CCDC3: variants seen among roughly 807,000 people sequenced by gnomAD.
The protein encoded by CCDC3 is coiled-coil domain-containing protein 3.
A neutral mutation model predicts 21.4 loss-of-function variants in CCDC3; 24 were observed. The ratio of observed to expected loss-of-function variants is 1.12; its 90% CI spans 0.81 to 1.58. The LOEUF is 1.58. Ranked by LOEUF, CCDC3 falls within the 40% of genes most tolerant of loss-of-function variation. The pLI is 0.00. For synonymous variants in CCDC3, 186 were observed against 166.0 expected, an observed-to-expected ratio of 1.12 and a Z score of -0.93; for missense variants, 425 against 360.9, an observed-to-expected ratio of 1.18 and a Z score of -1.44.
intron 2 of CCDC3, among the ~76,000 whole-genome samples, chr10:12,931,587 G>A (rs778494086): frequency 3.3e-5 from 5 of 152,228 alleles, no homozygotes; most frequent in African/African-American, 9.6e-5. Flanking sequence ...GGCAGAGGCC[G>A]TGGCTACCCT....
chr10:13,051,825 C>G (rs1836611646), intron 4 of CCDC3, among the ~76,000 whole-genome samples: 2 of 152,008 alleles, frequency 1.3e-5, no homozygotes, highest in South Asian at 4.2e-4. Flanking sequence ...ATAAAGGCAA[C>G]AGATTGGGGG....
chr10:13,090,303 T>C lies in CCDC3; in HGVS notation c.-503+8222A>G, dbSNP rs368030947. Among the ~76,000 whole-genome samples the C allele has an allele frequency of 4.6e-5, 7 of 152,082 alleles. No individual in the cohort carries two copies. The South Asian group carries it at 1.0e-3, about 23-fold the overall frequency. On this transcript the variant is annotated intron_variant, in intron 3 of 6. Transcript: ENST00000378839. ...ACAAGGTTTCACCATGTTGGCCAGA[T>C]TGTCTTGATCTCCTGACCTCGTTAT...
intron 5 of CCDC3, among the ~76,000 whole-genome samples, chr10:13,048,382 CG>C (rs915729625): frequency 2.6e-5 from 4 of 151,952 alleles, no homozygotes; most frequent in Admixed American, 6.6e-5. Flanking sequence ...TTACTAGAGA[CG>C]GGGTTTCACC....
intron 4 of CCDC3, among the ~76,000 whole-genome samples, chr10:13,063,201 G>C (rs1005620154): frequency 3.3e-5 from 5 of 152,050 alleles, no homozygotes; most frequent in Non-Finnish European, 7.4e-5. Flanking sequence ...AGCCGGCTCT[G>C]TGTGAATTAC....
intron 5 of CCDC3, among the ~76,000 whole-genome samples, chr10:13,009,581 A>G (rs984674746): frequency 6.6e-6 from 1 of 152,254 alleles, no homozygotes; most frequent in African/African-American, 2.4e-5. Flanking sequence ...ACCTATGTCA[A>G]AGGAACAAAA....
chr10:12,950,950 A>G (rs1465042150), intron 2 of CCDC3, among the ~76,000 whole-genome samples: 2 of 152,194 alleles, frequency 1.3e-5, no homozygotes, highest in Admixed American at 6.5e-5. Context: ...AGTCTGCAGT[A>G]GGGTGCGTCT....
chr10:13,090,031 T>TTAGATAGATAGATAGATAGATAGATAGA (rs1314262953), intron 3 of CCDC3, among the ~76,000 whole-genome samples: 23 of 7,840 alleles, frequency 2.9e-3, no homozygotes, highest in Admixed American at 6.0e-3. Flanking sequence ...TAGTATTCCG[T>TTAGATAGATAGATAGATAGATAGATAGA]TAGATATATA....
At chr10:12,901,078 C>T (rs1263439678) in intron 2 of CCDC3, among the ~76,000 whole-genome samples, 1 of 152,048 alleles carries the variant, frequency 6.6e-6, no homozygotes, top group East Asian at 1.9e-4. Context: ...AGACCAAGGC[C>T]CCTCATCCCA....
At chr10:12,901,110 C>T (rs968592268) in intron 2 of CCDC3, among the ~76,000 whole-genome samples, 2 of 152,102 alleles carry the variant, frequency 1.3e-5, no homozygotes, top group African/African-American at 2.4e-5. Context: ...CTCTGAAGGG[C>T]GGTCCCCATT....
chr10:12,901,185 C>T (rs1001995333), intron 2 of CCDC3, among the ~76,000 whole-genome samples: 3 of 152,180 alleles, frequency 2.0e-5, no homozygotes, highest in South Asian at 2.1e-4. Context: ...TGTCTGCCTC[C>T]GCCTGTTCTT....
chr10:12,971,073 G>A lies in CCDC3; in HGVS notation c.549+27265C>T, dbSNP rs367545624. ...AAGGTCTACAGAGTTACAGAATTTTGAAGGGAAGAAAAGCCTTATACCGTT... is the reference window on the plus strand; with the variant it reads ...AAGGTCTACAGAGTTACAGAATTTTAAAGGGAAGAAAAGCCTTATACCGTT... On this transcript the variant is annotated intron_variant, in intron 2 of 2. Coordinates refer to ENST00000378825, the MANE Select transcript of CCDC3 (RefSeq NM_031455.4). 5.9e-5 allele frequency among the ~76,000 whole-genome samples: 9 copies of A among 152,274 alleles called. No individual in the cohort carries two copies. The South Asian group carries it at 1.0e-3, about 18-fold the overall frequency.
chr10:13,033,671 A>T (rs892088355), intron 5 of CCDC3, among the ~76,000 whole-genome samples: 7 of 152,236 alleles, frequency 4.6e-5, no homozygotes, highest in Non-Finnish European at 1.0e-4. Context: ...CCCATCAAAA[A>T]GTGGGCAAAG....
chr10:12,905,793 C>T (rs962510823), intron 2 of CCDC3, among the ~76,000 whole-genome samples: 1 of 152,222 alleles, frequency 6.6e-6, no homozygotes, highest in African/African-American at 2.4e-5. Context: ...CTGTGCCCTG[C>T]TTGGGAACAT....
At chr10:13,089,338 TA>T (rs1261236641) in intron 3 of CCDC3, among the ~76,000 whole-genome samples, 1 of 152,242 alleles carries the variant, frequency 6.6e-6, no homozygotes, top group Non-Finnish European at 1.5e-5. Context: ...ATGAATTCTT[TA>T]TATGAATCAT....
At chr10:13,083,964 TC>T (rs1564343404) in intron 3 of CCDC3, among the ~76,000 whole-genome samples, 1 of 152,260 alleles carries the variant, frequency 6.6e-6, no homozygotes, top group African/African-American at 2.4e-5. Context: ...GATTTTTTTT[TC>T]CTTATGGTAC....
chr10:12,933,494 G>A (rs1834684300), intron 2 of CCDC3, among the ~76,000 whole-genome samples: 1 of 139,854 alleles, frequency 7.2e-6, no homozygotes, highest in Non-Finnish European at 1.5e-5. Flanking sequence ...TTGCTCTGTT[G>A]CCCAGAGCGA....
chr10:12,921,711 A>G (rs906589341), intron 2 of CCDC3, among the ~76,000 whole-genome samples: 2 of 152,168 alleles, frequency 1.3e-5, no homozygotes, highest in African/African-American at 4.8e-5. Flanking sequence ...TTAACTGCAT[A>G]GACCATAAAA....
At chr10:12,904,229 G>C (rs1326188586) in intron 2 of CCDC3, among the ~76,000 whole-genome samples, 1 of 152,046 alleles carries the variant, frequency 6.6e-6, no homozygotes, top group East Asian at 1.9e-4. Context: ...CACTTTGCGA[G>C]GCTGAGGTGG....
chr10:12,997,484 G>A (rs7074830), intron 2 of CCDC3, among the ~76,000 whole-genome samples: 10,931 of 152,190 alleles, frequency 0.072, 543 homozygotes, highest in East Asian at 0.16. Context: ...GGCCCAGATC[G>A]GAAGACTCTT....
Sources: gnomAD v4.1 joint callset for allele counts (sites outside exome capture counted in the v4.1 genomes callset) on GRCh38, gnomAD v4.1.1 for gene constraint, MANE v1.5 for transcripts, NCBI Gene and HGNC (gene_info 2026-07-23, HGNC 2026-07-21) for gene names.